RPL23A: variants seen among roughly 807,000 people sequenced by gnomAD.
RPL23A encodes large ribosomal subunit protein uL23.
Under a neutral mutation model 17.6 loss-of-function variants are expected in RPL23A, and 2 were observed. The ratio of observed to expected loss-of-function variants is 0.11; its 90% CI spans 0.05 to 0.36. The LOEUF (loss-of-function observed/expected upper bound fraction) is 0.36, where lower values mean the gene tolerates loss of function less well. Ranked by LOEUF, RPL23A falls within the 10% of genes least tolerant of loss-of-function variation. The pLI is 1.00. For synonymous variants in RPL23A, 65 were observed against 74.3 expected (o/e 0.87, Z 0.65); for missense variants, 132 against 194.4 (o/e 0.68, Z 1.91).
chr17:28,721,942 G>A (rs2034121745), intron 2 of RPL23A: 1 of 152,114 alleles, frequency 6.6e-6, no homozygotes, highest in African/African-American at 2.4e-5. Context: ...CCTCACCTAT[G>A]CATAAGAATT....
intron 3 of RPL23A, chr17:28,723,156 GA>G: frequency 2.6e-5 from 14 of 538,032 alleles, no homozygotes; most frequent in Non-Finnish European, 3.6e-5. Context: ...TTCAGCAGGG[GA>G]AAAAGGTTCC....
chr17:28,722,688 GC>G, intron 2 of RPL23A, 34 bp from the exon 3 acceptor site: 1 of 1,597,096 alleles, frequency 6.3e-7, no homozygotes, highest in Non-Finnish European at 8.6e-7. Flanking sequence ...AAAAGAATGG[GC>G]CCAGGCCAGG....
In RPL23A at chr17:28,719,992, A is replaced by T; in HGVS notation, c.-14A>T. The T allele has an allele frequency of 1.3e-6, 2 of 1,551,786 alleles. No homozygotes were observed. Among genetic ancestry groups the T allele is most frequent in the Non-Finnish European group, 1.7e-6 (2 of 1,147,020 alleles). On this transcript the variant is annotated 5_prime_UTR_variant, in exon 1 of 5. Transcript: ENST00000422514. Reference sequence around the variant, plus strand: ...AAGCCCGTGGGAACGAGCATTGGAGACCCTTTTCACAAGATGGCGCCGAAA... The same window carrying T: ...AAGCCCGTGGGAACGAGCATTGGAGTCCCTTTTCACAAGATGGCGCCGAAA...
intron 2 of RPL23A, chr17:28,721,538 A>T (rs1376050981): frequency 6.6e-5 from 10 of 152,546 alleles, no homozygotes; most frequent in Admixed American, 6.5e-4. Flanking sequence ...TTCTTGATTG[A>T]TAGTGGGGAT....
At chr17:28,722,118 G>T (rs2034125422) in intron 2 of RPL23A, among the ~76,000 whole-genome samples, 1 of 149,320 alleles carries the variant, frequency 6.7e-6, no homozygotes, top group Admixed American at 6.6e-5. Flanking sequence ...GTGGTGGCAG[G>T]CGCCGCTAGT....
intron 2 of RPL23A, chr17:28,722,407 G>T: frequency 2.2e-6 from 1 of 447,576 alleles, no homozygotes. Context: ...ACGATCTCTT[G>T]ACCTCGTGAT....
At chr17:28,720,402 C>G (rs2034092621) in intron 1 of RPL23A, 2 of 1,590,976 alleles carry the variant, frequency 1.3e-6, no homozygotes, top group Non-Finnish European at 8.6e-7. Flanking sequence ...TTACCCGCCC[C>G]TCTCTCCGCA....
chr17:28,723,083 CCAGCCTGAG>C (rs1567753088), intron 3 of RPL23A, among the ~76,000 whole-genome samples, 184 bp downstream of exon 3: 1 of 150,862 alleles, frequency 6.6e-6, no homozygotes, highest in Non-Finnish European at 1.5e-5. Context: ...CCATTGTACT[CCAGCCTGAG>C]CAACCAAGCA....
At chr17:28,721,353 T>TAA in intron 2 of RPL23A, 1 of 147,354 alleles carries the variant, frequency 6.8e-6, no homozygotes, top group Admixed American at 6.6e-5. Flanking sequence ...AAACTCTGTC[T>TAA]CAAAAAAAAA....
chr17:28,722,921 G>A, intron 3 of RPL23A, 22 bp downstream of exon 3: 2 of 1,609,388 alleles, frequency 1.2e-6, no homozygotes, highest in Non-Finnish European at 1.7e-6. Flanking sequence ...CTCAAGGGAT[G>A]GGGAGCAGGC....
intron 2 of RPL23A, chr17:28,721,420 G>A (rs541085372): frequency 1.3e-5 from 2 of 156,328 alleles, no homozygotes; most frequent in Admixed American, 6.2e-5. Context: ...ATGTGGTCAC[G>A]GTTTGAAAAC....
intron 1 of RPL23A, chr17:28,720,303 G>C (rs1392041630): frequency 1.3e-6 from 2 of 1,550,458 alleles, no homozygotes; most frequent in Non-Finnish European, 1.7e-6. Flanking sequence ...TGCATCCACT[G>C]GTTGGAGCTC....
chr17:28,724,287 T>G lies in RPL23A; in HGVS notation c.*406T>G. 1 of 635,782 alleles carries G rather than the reference T, an allele frequency of 1.6e-6. No individual in the cohort carries two copies. Among genetic ancestry groups the G allele is most frequent in the South Asian group, 1.9e-5 (1 of 51,390 alleles). 39.4% of individuals were successfully genotyped at this position (635,782 alleles called of 1,614,324 possible). On this transcript the variant is annotated 3_prime_UTR_variant, in exon 5 of 5. Transcript: ENST00000422514. ...GTAGCATTTTGTCCTCACACACCCA[T>G]CTACTATGTCCAACCGGTCTGTCTG...
At chr17:28,720,302 T>C (rs1343853747) in intron 1 of RPL23A, 3 of 1,550,148 alleles carry the variant, frequency 1.9e-6, no homozygotes, top group Admixed American at 3.9e-5. Context: ...ATGCATCCAC[T>C]GGTTGGAGCT....
At chr17:28,722,621 C>T (rs2034136674) in intron 2 of RPL23A, 102 bp from the exon 3 acceptor site, 1 of 989,934 alleles carries the variant, frequency 1.0e-6, no homozygotes, top group Non-Finnish European at 1.6e-6. Flanking sequence ...AAAGTCTGAA[C>T]AAAGTGATTG....
intron 1 of RPL23A, chr17:28,720,233 G>A (rs539944052): frequency 2.7e-5 from 42 of 1,539,088 alleles, no homozygotes; most frequent in African/African-American, 4.1e-5. Context: ...GTTGGGGGGG[G>A]GCAACGCGGC....
rs536201214 is a variant in RPL23A at position 28,724,058 on chromosome 17, A to T, written c.*177A>T. 843 of 555,350 alleles carry T rather than the reference A, an allele frequency of 1.5e-3. 1 individual carries two copies. The highest frequency in any genetic ancestry group is 2.3e-3 in the Non-Finnish European group (724 of 320,702). The allele number at this position is 555,350 out of a possible 1,614,324, so 34.4% of individuals were successfully genotyped here. On this transcript the variant is annotated 3_prime_UTR_variant, in exon 5 of 5. Transcript: ENST00000422514. ...TTGAAATACCTCACCCTGCCACTCC[A>T]CCATGTATGATCATTCCAGAGATCT... is the stretch of plus-strand genomic sequence containing the variant.
Position 28,720,199 on chromosome 17 carries a change from G to T in RPL23A, c.25+169G>T, listed in dbSNP as rs1006401451. On this transcript the variant is annotated intron_variant, in intron 1 of 4. Coordinates refer to ENST00000422514, the MANE Select transcript of RPL23A (RefSeq NM_000984.6). ...ACGTGGGCCGCGTGGGCCCAGCCTC[G>T]TGGGCTGAGTTCCGGTAGAGGGAGT... is the stretch of plus-strand genomic sequence containing the variant. The T allele has an allele frequency of 3.9e-6, 6 of 1,532,790 alleles. No individual in the cohort carries two copies. In the South Asian group the frequency reaches 4.8e-5, roughly 12 times the overall value. 94.9% of individuals were successfully genotyped at this position (1,532,790 alleles called of 1,614,324 possible). A position where few individuals can be genotyped will look rare whatever the true frequency, so the allele number is the denominator to read the frequency against.
chr17:28,720,851 A>G lies in RPL23A; in HGVS notation c.170A>G (p.Gln57Arg), dbSNP rs1320050906. The part of the protein sequence containing the change: ...RRPKTLRLRR[Q>R]PKYPRKSAPR... ...CCGAAGACACTGCGACTCCGGAGACAGCCCAAATATCCTCGGAAGAGCGCT... is the reference window on the plus strand; with the variant it reads ...CCGAAGACACTGCGACTCCGGAGACGGCCCAAATATCCTCGGAAGAGCGCT... The change falls in exon 2 of 5, where the codon CAG becomes CGG. Residue 57 changes from glutamine (Q) to arginine (R), a missense_variant. Coordinates refer to ENST00000422514, the MANE Select transcript of RPL23A (RefSeq NM_000984.6). 6.2e-7 allele frequency: 1 copy of G among 1,614,062 alleles called. No individual in the cohort carries two copies.
Sources: gnomAD v4.1 joint callset for allele counts (sites outside exome capture counted in the v4.1 genomes callset) on GRCh38, gnomAD v4.1.1 for gene constraint, MANE v1.5 for transcripts, NCBI Gene and HGNC (gene_info 2026-07-23, HGNC 2026-07-21) for gene names.